The following PTPRD variants were observed in gnomAD, a reference collection of about 807,000 sequenced individuals.
PTPRD encodes the protein receptor-type tyrosine-protein phosphatase delta.
PTPRD carries 34 observed loss-of-function variants against 214.5 expected under a neutral mutation model. The observed-to-expected ratio is 0.16, with a 90% CI of 0.12 to 0.21. The LOEUF is 0.21. Among genes scored for constraint, PTPRD ranks in the 10% least tolerant of loss-of-function variants. The probability of loss-of-function intolerance (pLI) is 1.00; values close to 1 mark genes in which losing one functional copy is unlikely to be tolerated. For missense variants in PTPRD, 2,545 were observed against 2,398.7 expected, an observed-to-expected ratio of 1.06 and a Z score of -1.27; for synonymous variants, 1,128 against 845.7, an observed-to-expected ratio of 1.33 and a Z score of -5.79.
rs138821527 is a variant in PTPRD at position 9,561,769 on chromosome 9, G to T, written c.-237+12963C>A. On this transcript the variant is annotated intron_variant, in intron 8 of 45. Transcript: ENST00000381196. ...TGAGATCTTTTCTCTTAGATTGAAA[G>T]ACATCACATACTTTTCTTTCTCTTT... is the stretch of plus-strand genomic sequence containing the variant. Among the ~76,000 whole-genome samples the T allele has an allele frequency of 1.7e-4, 26 of 152,296 alleles. 1 individual carries two copies. In the East Asian group the frequency reaches 4.8e-3, roughly 28 times the overall value.
rs201101295 is a variant in PTPRD, at chr9:10,255,636, CAAT to C, written c.-545+85324_-545+85326del. 7.1e-3 allele frequency among the ~76,000 whole-genome samples: 1,086 copies of C among 152,180 alleles called. 18 individuals are homozygous for C. The highest frequency in any genetic ancestry group is 0.024 in the African/African-American group (1,005 of 41,524). On this transcript the variant is annotated intron_variant, in intron 3 of 45. Transcript: ENST00000381196. Reference sequence around the variant, plus strand: ...GTATACAAAAATATTTTTATTTCTTCAATAATAAACTTAGCTTACTATAACTTT... The same window carrying C: ...GTATACAAAAATATTTTTATTTCTTCAATAAACTTAGCTTACTATAACTTT...
chr9:10,070,134 T>C (rs1180937191), intron 3 of PTPRD, among the ~76,000 whole-genome samples: 2 of 152,066 alleles, frequency 1.3e-5, no homozygotes, highest in Admixed American at 6.6e-5. Context: ...AGGACTAATA[T>C]ATGGGCCAGT....
chr9:10,534,553 A>C (rs1188660748), intron 2 of PTPRD, among the ~76,000 whole-genome samples: 2 of 152,186 alleles, frequency 1.3e-5, no homozygotes, highest in East Asian at 3.9e-4. Flanking sequence ...TATGTGATTA[A>C]AATTATTCAG....
At chr9:10,300,952 C>T (rs917797682) in intron 3 of PTPRD, among the ~76,000 whole-genome samples, 1 of 152,110 alleles carries the variant, frequency 6.6e-6, no homozygotes, top group Non-Finnish European at 1.5e-5. Context: ...GATCATTGAC[C>T]CCCATGTATC....
At chr9:9,907,648 G>T (rs2077983829) in intron 5 of PTPRD, among the ~76,000 whole-genome samples, 1 of 151,958 alleles carries the variant, frequency 6.6e-6, no homozygotes, top group African/African-American at 2.4e-5. Flanking sequence ...GGGGATTAGG[G>T]CTTCAACATA....
intron 10 of PTPRD, among the ~76,000 whole-genome samples, chr9:9,169,099 C>G (rs997784909): frequency 3.3e-5 from 5 of 151,864 alleles, no homozygotes; most frequent in Non-Finnish European, 7.4e-5. Context: ...TTTATATTAG[C>G]CTTCTAATTG....
intron 12 of PTPRD, among the ~76,000 whole-genome samples, chr9:8,702,478 A>T (rs2098111227): frequency 2.0e-5 from 3 of 152,198 alleles, no homozygotes. Context: ...CCCTGTCTTC[A>T]GAAAGCTCCA....
intron 5 of PTPRD, among the ~76,000 whole-genome samples, chr9:9,791,641 G>C (rs1269271437): frequency 5.9e-4 from 90 of 152,192 alleles, no homozygotes; most frequent in Non-Finnish European, 4.4e-5. Flanking sequence ...ATTATTTGCA[G>C]GGAGGAAGAA....
chr9:8,528,278 AAG>A, intron 15 of PTPRD: 1 of 429,306 alleles, frequency 2.3e-6, no homozygotes, highest in Non-Finnish European at 4.1e-6. Flanking sequence ...AGAAGAAAGA[AAG>A]AGGAGAAAAT....
chr9:8,848,867 A>T (rs1367993743), intron 11 of PTPRD, among the ~76,000 whole-genome samples: 1 of 131,898 alleles, frequency 7.6e-6, no homozygotes, highest in African/African-American at 2.8e-5. Flanking sequence ...AATGATGATA[A>T]TAAAACCATC....
intron 9 of PTPRD, among the ~76,000 whole-genome samples, chr9:9,229,311 TA>T (rs1047500392): frequency 1.3e-5 from 2 of 151,418 alleles, no homozygotes; most frequent in Non-Finnish European, 2.9e-5. Flanking sequence ...TTTAGTTAAG[TA>T]AAAAAAAATT....
intron 10 of PTPRD, among the ~76,000 whole-genome samples, chr9:9,151,944 C>G (rs952066485): frequency 7.2e-5 from 11 of 152,156 alleles, no homozygotes; most frequent in Non-Finnish European, 1.5e-4. Context: ...GTGAGAGTAA[C>G]TTTTTCAATC....
chr9:10,331,682 G>A (rs994729226), intron 3 of PTPRD, among the ~76,000 whole-genome samples: 1 of 151,716 alleles, frequency 6.6e-6, no homozygotes, highest in African/African-American at 2.4e-5. Context: ...TTTAAAACTT[G>A]CCACCAAAAA....
At chr9:10,000,475 TG>T (rs1357389826) in intron 4 of PTPRD, among the ~76,000 whole-genome samples, 1 of 152,126 alleles carries the variant, frequency 6.6e-6, no homozygotes, top group Non-Finnish European at 1.5e-5. Flanking sequence ...AAGACCCAAC[TG>T]CTGTTCCCCG....
chr9:9,171,681 A>C (rs999393443), intron 10 of PTPRD, among the ~76,000 whole-genome samples: 8 of 151,976 alleles, frequency 5.3e-5, no homozygotes, highest in Non-Finnish European at 1.5e-5. Flanking sequence ...CATATTGATG[A>C]GGAAAAAACT....
chr9:10,609,198 T>C (rs1040092996), intron 2 of PTPRD, among the ~76,000 whole-genome samples: 2 of 152,072 alleles, frequency 1.3e-5, no homozygotes, highest in African/African-American at 4.8e-5. Context: ...CTGCATTAAA[T>C]GTGAGACATA....
At chr9:10,054,742 T>G (rs1209671724) in intron 3 of PTPRD, among the ~76,000 whole-genome samples, 1 of 152,096 alleles carries the variant, frequency 6.6e-6, no homozygotes, top group Non-Finnish European at 1.5e-5. Flanking sequence ...CAGCAAGCAT[T>G]TAAAAATCCT....
intron 11 of PTPRD, among the ~76,000 whole-genome samples, chr9:8,931,358 T>A (rs10453212): frequency 0.5 from 74,983 of 151,342 alleles, 18,794 homozygotes; most frequent in Middle Eastern, 0.58. Context: ...TGTTTTGGTT[T>A]CTCTAGCCTT....
intron 7 of PTPRD, among the ~76,000 whole-genome samples, chr9:9,589,234 T>C (rs892676331): frequency 1.3e-5 from 2 of 151,970 alleles, no homozygotes; most frequent in East Asian, 3.9e-4. Context: ...TAGCACATAG[T>C]AGCATACAGC....
Sources: gnomAD v4.1 joint callset for allele counts (sites outside exome capture counted in the v4.1 genomes callset) on GRCh38, gnomAD v4.1.1 for gene constraint, MANE v1.5 for transcripts, NCBI Gene and HGNC (gene_info 2026-07-23, HGNC 2026-07-21) for gene names.